The following MGAT4A variants were observed in gnomAD, a reference collection of about 807,000 sequenced individuals.
MGAT4A encodes alpha-1,3-mannosyl-glycoprotein 4-beta-N-acetylglucosaminyltransferase A, also known as N-acetylglucosaminyltransferase IVa.
Under a neutral mutation model 74.1 loss-of-function variants are expected in MGAT4A, and 33 were observed. The ratio of observed to expected loss-of-function variants is 0.45; its 90% CI spans 0.34 to 0.60. MGAT4A has a LOEUF of 0.60. MGAT4A is among the 20% of genes least tolerant of loss of function. MGAT4A has a pLI of 0.02. For missense variants in MGAT4A, 479 were observed against 628.3 expected (o/e 0.76, Z 2.54); for synonymous variants, 198 against 210.4 (o/e 0.94, Z 0.51).
At chr2:98,702,900 A>G (rs1702371891) in intron 2 of MGAT4A, among the ~76,000 whole-genome samples, 1 of 152,220 alleles carries the variant, frequency 6.6e-6, no homozygotes, top group Admixed American at 6.5e-5. Flanking sequence ...AACAATCACC[A>G]TCCACTTGAG....
chr2:98,700,904 AAAAC>A (rs1702347600), intron 2 of MGAT4A, among the ~76,000 whole-genome samples: 1 of 152,132 alleles, frequency 6.6e-6, no homozygotes, highest in Non-Finnish European at 1.5e-5. Flanking sequence ...AAAAAAAAAA[AAAAC>A]AATCTATTAC....
chr2:98,633,924 TAAAG>T (rs1309192428), intron 14 of MGAT4A, among the ~76,000 whole-genome samples: 4 of 152,174 alleles, frequency 2.6e-5, no homozygotes, highest in Non-Finnish European at 5.9e-5. Context: ...ACCAAAACTA[TAAAG>T]AAAGTAGCCA....
chr2:98,678,421 G>A lies in MGAT4A; in HGVS notation c.145C>T (p.Arg49Ter), dbSNP rs36004728. 1.9e-6 allele frequency: 3 copies of A among 1,588,378 alleles called. No homozygotes were observed. The highest frequency in any genetic ancestry group is 2.6e-6 in the Non-Finnish European group (3 of 1,163,500). ...TGTGAGATTCTGTGTTCAGCTATTC[G>A]AAGACGTTCTTTCAAAGCAAGGAAT... ...REFLALKERLRIAEHRISQRS... is the reference protein window; with the variant it reads ...REFLALKERL The change falls in exon 3 of 16, where the codon CGA becomes TGA. Residue 49 changes from arginine (R) to a stop codon, truncating the protein, a stop_gained. Transcript: ENST00000393487. LOFTEE classifies it high-confidence loss of function.
chr2:98,632,872 G>C (rs1020892691), intron 14 of MGAT4A, among the ~76,000 whole-genome samples: 11 of 152,198 alleles, frequency 7.2e-5, no homozygotes, highest in African/African-American at 9.7e-5. Flanking sequence ...CAATTCTCCA[G>C]CCTCAGCCTA....
chr2:98,625,589 G>T lies in MGAT4A; in HGVS notation c.1585C>A (p.His529Asn). ...GATCAGTTGGTGGCTTTTTTAATATGAATCTGAAATACAAAATCATAAAAG... is the reference window on the plus strand; with the variant it reads ...GATCAGTTGGTGGCTTTTTTAATATTAATCTGAAATACAAAATCATAAAAG... ...SAVWAILNEIHIKKATN is the reference protein window; with the variant it reads ...SAVWAILNEINIKKATN Residue 529 changes from histidine (H) to asparagine (N), a missense_variant, in exon 16 of 16, where the codon CAT (histidine) becomes AAT (asparagine). This residue lies in a region of MGAT4A where 236 missense variants were observed against 308.2 expected (regional missense o/e 0.77). Transcript: ENST00000393487. 2 of 1,607,100 alleles carry T rather than the reference G, an allele frequency of 1.2e-6. No homozygotes were observed. The highest frequency in any genetic ancestry group is 2.2e-5 in the South Asian group (2 of 89,704).
rs145655669 is a variant in MGAT4A at position 98,685,923 on chromosome 2, C to T, written c.95-7452G>A. The stretch of plus-strand genomic sequence containing the variant: ...ATTGTCCTCGGGGTAGTTCTAGACT[C>T]GAGCAACCTAGAAGTTTATGTAGTT... On this transcript the variant is annotated intron_variant, in intron 2 of 15. Transcript: ENST00000393487. Among the ~76,000 whole-genome samples, 289 of 152,260 alleles carry T rather than the reference C, an allele frequency of 1.9e-3. 1 individual carries two copies. Among genetic ancestry groups the T allele is most frequent in the African/African-American group, 6.8e-3 (281 of 41,540 alleles).
At chr2:98,668,748 C>T (rs1701872656) in intron 4 of MGAT4A, among the ~76,000 whole-genome samples, 1 of 152,212 alleles carries the variant, frequency 6.6e-6, no homozygotes, top group Non-Finnish European at 1.5e-5. Flanking sequence ...GAGGCTGTAC[C>T]CCGCAGAGCC....
chr2:98,638,516 A>G (rs1701356876), intron 12 of MGAT4A, among the ~76,000 whole-genome samples: 1 of 152,240 alleles, frequency 6.6e-6, no homozygotes, highest in African/African-American at 2.4e-5. Flanking sequence ...TTATTTAACC[A>G]AACACATACT....
chr2:98,663,452 C>T, intron 4 of MGAT4A: 1 of 1,470,320 alleles, frequency 6.8e-7, no homozygotes, highest in African/African-American at 1.4e-5. Context: ...GAAGTATAAA[C>T]AGCAAACTGT....
chr2:98,666,370 T>C (rs995096658), intron 4 of MGAT4A, among the ~76,000 whole-genome samples: 2 of 152,176 alleles, frequency 1.3e-5, no homozygotes, highest in African/African-American at 4.8e-5. Context: ...TGAGTTACAA[T>C]GGAAGCAAAA....
At chr2:98,668,109 G>GA (rs1309358882) in intron 4 of MGAT4A, among the ~76,000 whole-genome samples, 1 of 152,200 alleles carries the variant, frequency 6.6e-6, no homozygotes, top group Non-Finnish European at 1.5e-5. Context: ...TTTCTGAGGT[G>GA]AAATTCAAGC....
In MGAT4A at chr2:98,623,305, A is replaced by C; in HGVS notation, c.*2261T>G. On this transcript the variant is annotated 3_prime_UTR_variant, in exon 16 of 16. Coordinates refer to ENST00000393487, the MANE Select transcript of MGAT4A (RefSeq NM_012214.3). ...CTAGCCAGGCAGGCTGTCTTTAAAG[A>C]AGTTGTAACAAATCACACCAGGTGC... 2 of 985,456 alleles carry C rather than the reference A, an allele frequency of 2.0e-6. No homozygotes were observed. Among genetic ancestry groups the C allele is most frequent in the Non-Finnish European group, 2.4e-6 (2 of 829,940 alleles). The allele number at this position is 985,456 out of a possible 1,614,324, so 61.0% of individuals were successfully genotyped here. A position where few individuals can be genotyped will look rare whatever the true frequency, so the allele number is the denominator to read the frequency against.
intron 2 of MGAT4A, among the ~76,000 whole-genome samples, chr2:98,692,196 G>A (rs2104303626): frequency 6.6e-6 from 1 of 152,256 alleles, no homozygotes. Flanking sequence ...CTTGGCTCAA[G>A]TGATCATCTC....
intron 2 of MGAT4A, among the ~76,000 whole-genome samples, chr2:98,680,472 C>T (rs72825760): frequency 0.016 from 2,510 of 152,304 alleles, 23 homozygotes; most frequent in African/African-American, 0.021. Context: ...TTGTCCCTTA[C>T]ATAAAGATCC....
At chr2:98,648,425 G>A (rs539303283) in intron 8 of MGAT4A, among the ~76,000 whole-genome samples, 97 of 152,218 alleles carry the variant, frequency 6.4e-4, no homozygotes, top group Non-Finnish European at 1.2e-3. Context: ...ACTTGAACCC[G>A]GGAGGCAGAG....
At chr2:98,730,603 C>T (rs1702837979) in intron 1 of MGAT4A, among the ~76,000 whole-genome samples, 10 of 151,654 alleles carry the variant, frequency 6.6e-5, no homozygotes, top group Admixed American at 5.9e-4. Flanking sequence ...CCGGGTCCCA[C>T]AGGCAGCTGT....
intron 14 of MGAT4A, among the ~76,000 whole-genome samples, chr2:98,631,486 G>C (rs1204202198): frequency 6.6e-6 from 1 of 152,172 alleles, no homozygotes; most frequent in Non-Finnish European, 1.5e-5. Flanking sequence ...TCCCCATACT[G>C]TGCCTATAAA....
Position 98,684,106 on chromosome 2 carries a change from T to G in MGAT4A, c.95-5635A>C, listed in dbSNP as rs949207471. ...AGAATTTTCCCTAGACTTTTCTCCA[T>G]TTATATTTCCCGTAATACTATACAG... On this transcript the variant is annotated intron_variant, in intron 2 of 15. Transcript: ENST00000393487. 6.6e-5 allele frequency among the ~76,000 whole-genome samples: 10 copies of G among 152,332 alleles called. No homozygotes were observed. The South Asian group carries it at 1.9e-3, about 28-fold the overall frequency.
At chr2:98,686,707 C>T (rs149417379) in intron 2 of MGAT4A, among the ~76,000 whole-genome samples, 1 of 152,140 alleles carries the variant, frequency 6.6e-6, no homozygotes, top group Non-Finnish European at 1.5e-5. Context: ...CTGCCACACT[C>T]GGCCAAGTTT....
Sources: allele counts gnomAD v4.1 joint callset (sites outside exome capture counted in the v4.1 genomes callset), GRCh38; gene constraint gnomAD v4.1.1; regional missense constraint gnomAD v4.1.1; transcripts MANE v1.5; gene names NCBI Gene and HGNC (gene_info 2026-07-23, HGNC 2026-07-21).